Variants in NOS1AP observed in about 807,000 individuals in gnomAD.
NOS1AP encodes the protein nitric oxide synthase 1 adaptor protein.
A neutral mutation model predicts 56.2 loss-of-function variants in NOS1AP; 21 were observed. The observed-to-expected ratio is 0.37, with a 90% confidence interval of 0.26 to 0.54. The LOEUF (loss-of-function observed/expected upper bound fraction) is 0.54, where lower values mean the gene tolerates loss of function less well. Ranked by LOEUF, NOS1AP falls within the 20% of genes least tolerant of loss-of-function variation. NOS1AP has a pLI of 0.84. For synonymous variants in NOS1AP, 270 were observed against 274.6 expected (o/e 0.98, Z 0.17); for missense variants, 522 against 657.8 (o/e 0.79, Z 2.26).
chr1:162,269,346 G>A (rs1654516213), intron 2 of NOS1AP, among the ~76,000 whole-genome samples: 1 of 152,162 alleles, frequency 6.6e-6, no homozygotes, highest in African/African-American at 2.4e-5. Flanking sequence ...TGTAGTGACT[G>A]GAGGGGGAGT....
chr1:162,330,975 T>C (rs1332382880), intron 4 of NOS1AP, among the ~76,000 whole-genome samples: 3 of 152,106 alleles, frequency 2.0e-5, no homozygotes, highest in East Asian at 1.9e-4. Context: ...TGTCCCCTTA[T>C]CAAGATAGGA....
intron 2 of NOS1AP, among the ~76,000 whole-genome samples, chr1:162,210,344 T>C (rs1224518228): frequency 2.0e-5 from 3 of 152,186 alleles, no homozygotes; most frequent in Non-Finnish European, 4.4e-5. Context: ...CCTCTCTCAC[T>C]GTGGGCCTCC....
At chr1:162,153,556 C>T (rs4657157) in intron 1 of NOS1AP, among the ~76,000 whole-genome samples, 151,444 of 152,360 alleles carry the variant, frequency 0.99, 75,274 homozygotes, top group Middle Eastern at 1. Context: ...AGCATGTCCA[C>T]CAGTAGGGGA....
At chr1:162,338,450 G>T (rs990060110) in intron 5 of NOS1AP, among the ~76,000 whole-genome samples, 5 of 152,102 alleles carry the variant, frequency 3.3e-5, no homozygotes, top group African/African-American at 1.2e-4. Context: ...TTTGTAAGTT[G>T]TAAAGTAAAG....
intron 2 of NOS1AP, among the ~76,000 whole-genome samples, chr1:162,253,978 G>A (rs1653946509): frequency 6.6e-6 from 1 of 152,122 alleles, no homozygotes; most frequent in African/African-American, 2.4e-5. Context: ...TGATTGAAGA[G>A]GTAAAGGGAA....
chr1:162,282,386 T>C (rs1260748333), intron 2 of NOS1AP, among the ~76,000 whole-genome samples: 1 of 152,230 alleles, frequency 6.6e-6, no homozygotes, highest in Non-Finnish European at 1.5e-5. Context: ...TGTCAGAATG[T>C]CCTAACTTTT....
At chr1:162,173,038 C>T (rs1004217572) in intron 2 of NOS1AP, among the ~76,000 whole-genome samples, 5 of 152,252 alleles carry the variant, frequency 3.3e-5, no homozygotes, top group Admixed American at 1.3e-4. Flanking sequence ...CCTCCCACTG[C>T]ACACTGCAGC....
At chr1:162,340,421 T>G (rs987540193) in intron 5 of NOS1AP, among the ~76,000 whole-genome samples, 10 of 152,224 alleles carry the variant, frequency 6.6e-5, no homozygotes, top group African/African-American at 2.4e-4. Context: ...GATGTTAGCA[T>G]ACATAAGTAA....
intron 2 of NOS1AP, among the ~76,000 whole-genome samples, chr1:162,249,945 T>C (rs574195570): frequency 6.6e-6 from 1 of 152,170 alleles, no homozygotes; most frequent in South Asian, 2.1e-4. Flanking sequence ...AGTAAAGACT[T>C]TGTAGGTTGA....
chr1:162,169,665 C>A (rs1650670278), intron 2 of NOS1AP, among the ~76,000 whole-genome samples: 1 of 152,170 alleles, frequency 6.6e-6, no homozygotes, highest in Admixed American at 6.5e-5. Context: ...CTCCTGTTGT[C>A]CACCCAGCAT....
rs182769065 is a variant in NOS1AP, at chr1:162,333,221, A to C, written c.453+96A>C. On this transcript the variant is annotated intron_variant, in intron 5 of 9. Coordinates refer to ENST00000361897, the MANE Select transcript of NOS1AP (RefSeq NM_014697.3). ...TCTCCCTGTTGAAGACAGCTGTGGT[A>C]ATGCCGACATGGGGCAACTATCTCA... The C allele has an allele frequency of 1.9e-3, 1,546 of 808,216 alleles. 13 individuals carry two copies. Among genetic ancestry groups the C allele is most frequent in the South Asian group, 9.6e-3 (689 of 71,524 alleles). 50.1% of individuals were successfully genotyped at this position (808,216 alleles called of 1,614,324 possible). A position where few individuals can be genotyped will look rare whatever the true frequency, so the allele number is the denominator to read the frequency against.
intron 5 of NOS1AP, among the ~76,000 whole-genome samples, chr1:162,333,723 T>C (rs1656849659): frequency 1.3e-5 from 2 of 152,192 alleles, no homozygotes; most frequent in Non-Finnish European, 2.9e-5. Context: ...GGTCCCAGCG[T>C]TCTCATCTAT....
chr1:162,305,883 A>T (rs1361498127), intron 4 of NOS1AP, among the ~76,000 whole-genome samples: 2 of 152,204 alleles, frequency 1.3e-5, no homozygotes, highest in Non-Finnish European at 2.9e-5. Context: ...CTTTATTTCT[A>T]TAGGTTTCTT....
chr1:162,180,454 C>T (rs1651216846), intron 2 of NOS1AP, among the ~76,000 whole-genome samples: 1 of 152,120 alleles, frequency 6.6e-6, no homozygotes, highest in South Asian at 2.1e-4. Context: ...CCGTGTTAGC[C>T]AGGATGGTCT....
rs149463612 is a variant in NOS1AP at position 162,104,636 on chromosome 1, C to G, written c.105+34354C>G. Among the ~76,000 whole-genome samples the G allele has an allele frequency of 4.0e-3, 612 of 152,054 alleles. 7 individuals are homozygous for G. Among genetic ancestry groups the G allele is most frequent in the African/African-American group, 0.014 (585 of 41,480 alleles). On this transcript the variant is annotated intron_variant, in intron 1 of 9. Coordinates refer to ENST00000361897, the MANE Select transcript of NOS1AP (RefSeq NM_014697.3). ...TCATTCTTCTTTTCTCTGCTCTTGTCTGCCTATCTTATTTCAGAAAGGTAG... is the reference window on the plus strand; with the variant it reads ...TCATTCTTCTTTTCTCTGCTCTTGTGTGCCTATCTTATTTCAGAAAGGTAG...
intron 3 of NOS1AP, among the ~76,000 whole-genome samples, chr1:162,292,656 G>T (rs543654646): frequency 6.6e-6 from 1 of 152,230 alleles, no homozygotes; most frequent in African/African-American, 2.4e-5. Context: ...GACCCCTTTG[G>T]ATAATAATCA....
intron 2 of NOS1AP, among the ~76,000 whole-genome samples, chr1:162,239,984 G>A (rs1653433165): frequency 6.6e-6 from 1 of 152,160 alleles, no homozygotes; most frequent in Non-Finnish European, 1.5e-5. Flanking sequence ...CAGTAATGTG[G>A]CATCAGAGCT....
At chr1:162,364,092 G>A in intron 8 of NOS1AP, 2 of 985,440 alleles carry the variant, frequency 2.0e-6, no homozygotes, top group Non-Finnish European at 2.4e-6. Flanking sequence ...AGGTAGCACT[G>A]CCCTTTACTC....
At chr1:162,365,096 G>A in intron 8 of NOS1AP, 1 of 1,349,684 alleles carries the variant, frequency 7.4e-7, no homozygotes, top group Non-Finnish European at 9.6e-7. Context: ...GTGTGTACGT[G>A]TGTGTGTGTG....
Sources: gnomAD v4.1 joint callset for allele counts (sites outside exome capture counted in the v4.1 genomes callset) on GRCh38, gnomAD v4.1.1 for gene constraint, MANE v1.5 for transcripts, NCBI Gene and HGNC (gene_info 2026-07-23, HGNC 2026-07-21) for gene names.